Variants in NELL1 observed in about 807,000 individuals in gnomAD.
NELL1 encodes the protein neural EGFL like 1.
A neutral mutation model predicts 107.4 loss-of-function variants in NELL1; 76 were observed. That is an observed-to-expected ratio of 0.71 (90% CI 0.59 to 0.86). The LOEUF (loss-of-function observed/expected upper bound fraction) is 0.86, where lower values mean the gene tolerates loss of function less well. Ranked by LOEUF, NELL1 falls within the 40% of genes least tolerant of loss-of-function variation. NELL1 has a pLI of 0.00. For synonymous variants in NELL1, 353 were observed against 341.2 expected (o/e 1.03, Z -0.38); for missense variants, 1,024 against 1,005.5 (o/e 1.02, Z -0.25).
Position 20,960,484 on chromosome 11 carries a change from A to G in NELL1, c.1224A>G (p.Lys408=). The change falls in exon 12 of 20, where the codon AAA becomes AAG. Residue 408 remains lysine (K), a synonymous_variant. Coordinates refer to ENST00000357134, the MANE Select transcript of NELL1 (RefSeq NM_006157.5). ...AATGTGGTGAAAACTCAGAGTGCAA[A>G]AACTGGAATACAAAAGCTACTTGTG... ...GPKCGENSEC[K]NWNTKATCEC... 6.2e-7 allele frequency: 1 copy of G among 1,613,992 alleles called. No homozygotes were observed. The highest frequency in any genetic ancestry group is 8.5e-7 in the Non-Finnish European group (1 of 1,179,894).
Position 21,067,293 on chromosome 11 carries a change from G to A in NELL1, c.1301-46296G>A, listed in dbSNP as rs1056064571. Reference sequence around the variant, plus strand: ...TGATTAGGAGAAATTTCTGGACAGCGCTGAAGTCAAATGTCCTAGATTCTG... The same window carrying A: ...TGATTAGGAGAAATTTCTGGACAGCACTGAAGTCAAATGTCCTAGATTCTG... On this transcript the variant is annotated intron_variant, in intron 12 of 19. Transcript: ENST00000357134. 7.2e-5 allele frequency among the ~76,000 whole-genome samples: 11 copies of A among 152,140 alleles called. No homozygotes were observed. In the East Asian group the frequency reaches 7.7e-4, roughly 11 times the overall value.
At chr11:20,863,359 C>A (rs185651938) in intron 4 of NELL1, among the ~76,000 whole-genome samples, 2 of 56,588 alleles carry the variant, frequency 3.5e-5, no homozygotes, top group Non-Finnish European at 5.5e-5. Context: ...GCTGGCCGGG[C>A]GGGGGCTGCC....
chr11:20,835,274 G>C (rs933011813), intron 3 of NELL1, among the ~76,000 whole-genome samples: 1 of 152,102 alleles, frequency 6.6e-6, no homozygotes, highest in African/African-American at 2.4e-5. Context: ...TTATTTTATC[G>C]AGTGACATGT....
At chr11:21,213,912 T>G (rs1307762095) in intron 13 of NELL1, among the ~76,000 whole-genome samples, 4 of 152,068 alleles carry the variant, frequency 2.6e-5, no homozygotes, top group Non-Finnish European at 5.9e-5. Context: ...GAACCTAAGG[T>G]TAGAGAAGAG....
chr11:21,194,786 G>C (rs1857118223), intron 13 of NELL1, among the ~76,000 whole-genome samples: 1 of 152,128 alleles, frequency 6.6e-6, no homozygotes, highest in Non-Finnish European at 1.5e-5. Flanking sequence ...CTAAGATGGG[G>C]TAAACTGTTG....
At chr11:20,862,814 G>A (rs989904088) in intron 4 of NELL1, among the ~76,000 whole-genome samples, 3 of 151,990 alleles carry the variant, frequency 2.0e-5, no homozygotes, top group African/African-American at 7.2e-5. Context: ...CTCTCAACGA[G>A]CATGCTGCCT....
chr11:20,920,105 A>T (rs1034658374), intron 7 of NELL1, among the ~76,000 whole-genome samples: 1 of 152,140 alleles, frequency 6.6e-6, no homozygotes, highest in Non-Finnish European at 1.5e-5. Context: ...GTTGAAAAAG[A>T]CACTGAAAAT....
intron 12 of NELL1, among the ~76,000 whole-genome samples, chr11:21,077,977 A>G (rs1355367054): frequency 6.6e-6 from 1 of 152,128 alleles, no homozygotes. Context: ...ATAACATTTT[A>G]TAAAGCAGAA....
At chr11:20,893,796 T>C (rs1243863552) in intron 5 of NELL1, among the ~76,000 whole-genome samples, 2 of 149,944 alleles carry the variant, frequency 1.3e-5, no homozygotes, top group Admixed American at 6.7e-5. Flanking sequence ...GCCTGTTGTA[T>C]ATTGCTTACA....
intron 13 of NELL1, among the ~76,000 whole-genome samples, chr11:21,202,135 C>A (rs1445353779): frequency 6.6e-6 from 1 of 152,120 alleles, no homozygotes; most frequent in Non-Finnish European, 1.5e-5. Context: ...AGGACATTGG[C>A]CTCATAAAAT....
At chr11:21,550,829 T>C (rs1856560911) in intron 16 of NELL1, among the ~76,000 whole-genome samples, 1 of 151,936 alleles carries the variant, frequency 6.6e-6, no homozygotes, top group Non-Finnish European at 1.5e-5. Context: ...TGCAGGCTCT[T>C]TTTTGGTTCC....
intron 12 of NELL1, among the ~76,000 whole-genome samples, chr11:20,997,718 G>C (rs983468195): frequency 2.0e-5 from 3 of 152,216 alleles, no homozygotes; most frequent in African/African-American, 4.8e-5. Context: ...ATCAGGCACG[G>C]TGGCTTACGC....
At chr11:21,242,881 A>C (rs1858399192) in intron 14 of NELL1, among the ~76,000 whole-genome samples, 1 of 152,106 alleles carries the variant, frequency 6.6e-6, no homozygotes, top group African/African-American at 2.4e-5. Flanking sequence ...TTTGAGTGAA[A>C]CTTCTAGTGA....
At chr11:20,816,719 G>C (rs559182422) in intron 3 of NELL1, among the ~76,000 whole-genome samples, 1 of 152,228 alleles carries the variant, frequency 6.6e-6, no homozygotes, top group Non-Finnish European at 1.5e-5. Context: ...TCTTATTCCA[G>C]TTCTTAAAGG....
intron 16 of NELL1, among the ~76,000 whole-genome samples, chr11:21,552,826 T>TG (rs1256105982): frequency 6.6e-6 from 1 of 151,842 alleles, no homozygotes; most frequent in African/African-American, 2.4e-5. Flanking sequence ...CTTCTTGGAA[T>TG]GGTGGTTCAA....
chr11:20,756,705 A>G (rs1856300860), intron 2 of NELL1, among the ~76,000 whole-genome samples: 1 of 151,756 alleles, frequency 6.6e-6, no homozygotes, highest in South Asian at 2.1e-4. Context: ...TTTGTGCATT[A>G]ACAGCATCCC....
At chr11:21,166,425 A>C (rs1856485237) in intron 13 of NELL1, among the ~76,000 whole-genome samples, 1 of 151,876 alleles carries the variant, frequency 6.6e-6, no homozygotes, top group African/African-American at 2.4e-5. Context: ...AAAATGACTA[A>C]ATTTTAAAAG....
intron 2 of NELL1, among the ~76,000 whole-genome samples, chr11:20,713,573 T>A (rs1340733792): frequency 6.6e-6 from 1 of 152,150 alleles, no homozygotes; most frequent in African/African-American, 2.4e-5. Flanking sequence ...AAAGAAAACA[T>A]GGCTTTCAGG....
At chr11:21,269,293 C>T (rs1848693880) in intron 14 of NELL1, among the ~76,000 whole-genome samples, 1 of 151,552 alleles carries the variant, frequency 6.6e-6, no homozygotes, top group South Asian at 2.1e-4. Flanking sequence ...GACAACAAAC[C>T]ATGTATTCAG....
Sources: allele counts gnomAD v4.1 joint callset (sites outside exome capture counted in the v4.1 genomes callset), GRCh38; gene constraint gnomAD v4.1.1; transcripts MANE v1.5; gene names NCBI Gene and HGNC (gene_info 2026-07-23, HGNC 2026-07-21).